Variants in PHEX observed in about 807,000 individuals in gnomAD.
The protein encoded by PHEX is phosphate-regulating neutral endopeptidase PHEX.
A neutral mutation model predicts 68.0 loss-of-function variants in PHEX; 16 were observed. The observed-to-expected ratio is 0.24, with a 90% CI of 0.16 to 0.36. The LOEUF (loss-of-function observed/expected upper bound fraction) is 0.36. Ranked by LOEUF, PHEX falls within the 10% of genes least tolerant of loss-of-function variation. PHEX has a pLI of 1.00. For missense variants in PHEX, 480 were observed against 575.5 expected (o/e 0.83, Z 1.70); for synonymous variants, 208 against 205.1 (o/e 1.01, Z -0.12).
At chrX:22,118,199 G>GT (rs34735126) in intron 11 of PHEX, among the ~76,000 whole-genome samples, 35,292 of 101,102 alleles carry the variant, frequency 0.35, 5,704 homozygotes, top group African/African-American at 0.59. Context: ...TTTTAACAAG[G>GT]TTTTTTTTTT....
intron 20 of PHEX, among the ~76,000 whole-genome samples, chrX:22,229,779 C>T (rs1935647618): frequency 8.9e-6 from 1 of 111,847 alleles, no homozygotes; most frequent in Admixed American, 9.4e-5. Context: ...CTTTTGTTGC[C>T]ATTGCTTTTG....
intron 12 of PHEX, among the ~76,000 whole-genome samples, chrX:22,143,698 C>T (rs754204773): frequency 8.9e-6 from 1 of 112,341 alleles, no homozygotes; most frequent in East Asian, 2.8e-4. Flanking sequence ...TTTCACTTAG[C>T]CTTATGTTTT....
chrX:22,174,143 A>G (rs1310144260), intron 13 of PHEX, among the ~76,000 whole-genome samples: 2 of 111,850 alleles, frequency 1.8e-5, no homozygotes, highest in Non-Finnish European at 3.8e-5. Context: ...CTGGGAAATG[A>G]CACAAGAATC....
intron 20 of PHEX, among the ~76,000 whole-genome samples, chrX:22,242,744 G>C (rs928809402): frequency 9.9e-5 from 11 of 111,507 alleles, no homozygotes; most frequent in Non-Finnish European, 2.1e-4. Context: ...CCTCTTCAAG[G>C]AGAACTACAA....
chrX:22,178,056 A>G (rs1933763393), intron 13 of PHEX, among the ~76,000 whole-genome samples: 1 of 112,370 alleles, frequency 8.9e-6, no homozygotes, highest in African/African-American at 3.2e-5. Flanking sequence ...ACTGTGATCC[A>G]GAAATGACTA....
intron 9 of PHEX, among the ~76,000 whole-genome samples, chrX:22,106,582 C>G (rs1930698970): frequency 9.1e-6 from 1 of 109,808 alleles, no homozygotes; most frequent in Admixed American, 9.7e-5. Flanking sequence ...ACCAGCTTGG[C>G]AAAATCATGA....
chrX:22,142,085 T>C (rs1932487954), intron 12 of PHEX, among the ~76,000 whole-genome samples: 1 of 111,456 alleles, frequency 9.0e-6, no homozygotes, highest in Non-Finnish European at 1.9e-5. Flanking sequence ...ACCCTGTCTC[T>C]ACTAAAAATA....
chrX:22,194,621 A>C (rs1275590154), intron 15 of PHEX, among the ~76,000 whole-genome samples: 1 of 112,449 alleles, frequency 8.9e-6, no homozygotes, highest in Non-Finnish European at 1.9e-5. Flanking sequence ...TCATTTTCTG[A>C]TTTATGCTAC....
chrX:22,118,696 C>G (rs1488436980), intron 11 of PHEX, among the ~76,000 whole-genome samples: 1 of 111,088 alleles, frequency 9.0e-6, no homozygotes, highest in Non-Finnish European at 1.9e-5. Context: ...GAGAGCAGTT[C>G]ACATTGAGGT....
At chrX:22,136,961 G>C (rs1197849855) in intron 12 of PHEX, among the ~76,000 whole-genome samples, 1 of 111,989 alleles carries the variant, frequency 8.9e-6, no homozygotes, top group African/African-American at 3.2e-5. Flanking sequence ...TTTTTGTTTA[G>C]GATTCTCTGT....
chrX:22,104,820 A>T (rs1688247363), intron 9 of PHEX, among the ~76,000 whole-genome samples: 1 of 111,515 alleles, frequency 9.0e-6, no homozygotes, highest in Non-Finnish European at 1.9e-5. Context: ...TTCCTCTTGC[A>T]GGCCAGGGCT....
At chrX:22,224,991 A>ATGATTTATTATGATACAGCGC (rs1569433283) in intron 18 of PHEX, among the ~76,000 whole-genome samples, 1 of 107,144 alleles carries the variant, frequency 9.3e-6, no homozygotes, top group Non-Finnish European at 2.0e-5. Flanking sequence ...ACAGCTCTGT[A>ATGATTTATTATGATACAGCGC]TGTCAGAAGT....
At chrX:22,151,571 T>A (rs1932855553) in intron 12 of PHEX, among the ~76,000 whole-genome samples, 1 of 111,066 alleles carries the variant, frequency 9.0e-6, no homozygotes, top group Admixed American at 9.6e-5. Flanking sequence ...CTCAGCATGG[T>A]TTTGGCTGGG....
chrX:22,222,736 G>A (rs1320111828), intron 18 of PHEX, among the ~76,000 whole-genome samples: 2 of 111,941 alleles, frequency 1.8e-5, no homozygotes, highest in Admixed American at 1.9e-4. Context: ...CAGGCATGAA[G>A]ATGAAACTTT....
At position 22,249,453 on chromosome X, in the gene PHEX, AAAAT is replaced by A. The variant is rs1269974686; in HGVS notation, c.*1502_*1505del. The A allele has an allele frequency of 5.3e-3, 149 of 28,016 alleles. No homozygotes were observed. Among genetic ancestry groups the A allele is most frequent in the Non-Finnish European group, 6.2e-3 (101 of 16,211 alleles). 2.3% of individuals were successfully genotyped at this position (28,016 alleles called of 1,213,427 possible). On this transcript the variant is annotated 3_prime_UTR_variant, in exon 22 of 22. Transcript: ENST00000379374. ...ATTTGTGATTCTTTTAAAAAAAAAA[AAAAT>A]ATATATATATATATATATATATATA...
chrX:22,144,893 T>G (rs1046576977), intron 12 of PHEX, among the ~76,000 whole-genome samples: 23 of 111,793 alleles, frequency 2.1e-4, no homozygotes, highest in African/African-American at 7.5e-4. Flanking sequence ...AATTGAGTCA[T>G]TTGTCTGGTA....
intron 12 of PHEX, among the ~76,000 whole-genome samples, chrX:22,142,206 T>C (rs1932499950): frequency 8.9e-6 from 1 of 111,821 alleles, no homozygotes; most frequent in South Asian, 3.7e-4. Flanking sequence ...GAGCCAAGAT[T>C]ACGCCGCTGC....
intron 7 of PHEX, among the ~76,000 whole-genome samples, chrX:22,094,470 C>A (rs775412919): frequency 8.9e-6 from 1 of 112,340 alleles, no homozygotes; most frequent in East Asian, 2.8e-4. Flanking sequence ...CCTTAGTAAT[C>A]TGGCTTGAAT....
intron 15 of PHEX, among the ~76,000 whole-genome samples, chrX:22,191,620 G>T (rs980931168): frequency 8.9e-6 from 1 of 112,045 alleles, no homozygotes; most frequent in African/African-American, 3.2e-5. Flanking sequence ...CCCACCTTAG[G>T]TCTATTGATC....
Sources: allele counts gnomAD v4.1 joint callset (sites outside exome capture counted in the v4.1 genomes callset), GRCh38; gene constraint gnomAD v4.1.1; transcripts MANE v1.5; gene names NCBI Gene and HGNC (gene_info 2026-07-23, HGNC 2026-07-21).